Variants in SFXN4 observed in about 807,000 individuals in gnomAD.
The protein encoded by SFXN4 is sideroflexin 4.
SFXN4 carries 48 observed loss-of-function variants against 54.6 expected under a neutral mutation model. The ratio of observed to expected loss-of-function variants is 0.88; its 90% CI spans 0.70 to 1.12. The LOEUF (loss-of-function observed/expected upper bound fraction) is 1.12. SFXN4 is among the 50% of genes most tolerant of loss of function. The probability of loss-of-function intolerance (pLI) is 0.00; values close to 1 mark genes in which losing one functional copy is unlikely to be tolerated. For synonymous variants in SFXN4, 130 were observed against 145.5 expected, an observed-to-expected ratio of 0.89 and a Z score of 0.77; for missense variants, 383 against 409.2, an observed-to-expected ratio of 0.94 and a Z score of 0.55.
At chr10:119,164,040 CAAAAAAAAAA>C (rs368539311) in intron 2 of SFXN4, 81 bp downstream of exon 2, 10 of 309,804 alleles carry the variant, frequency 3.2e-5, no homozygotes, top group African/African-American at 2.4e-4. Context: ...AACTCCGTCT[CAAAAAAAAAA>C]AAAAAAAAAA....
intron 5 of SFXN4, 114 bp from the exon 6 acceptor site, chr10:119,159,867 C>T: frequency 1.8e-6 from 2 of 1,095,410 alleles, no homozygotes; most frequent in Non-Finnish European, 2.8e-6. Flanking sequence ...AGGCACAGAC[C>T]TCAAAGGACT....
At chr10:119,154,597 C>G in intron 11 of SFXN4, among the ~76,000 whole-genome samples, 1 of 152,044 alleles carries the variant, frequency 6.6e-6, no homozygotes, top group South Asian at 2.1e-4. Flanking sequence ...TTTGGGAGAC[C>G]GAGGTGGGTG....
intron 9 of SFXN4, 151 bp downstream of exon 9, chr10:119,157,517 A>G: frequency 1.6e-6 from 1 of 616,894 alleles, no homozygotes; most frequent in South Asian, 2.3e-5. Flanking sequence ...TAACATGATT[A>G]TTTTGGGATA....
At chr10:119,146,036 G>T (rs1369034354) in intron 13 of SFXN4, among the ~76,000 whole-genome samples, 200 bp downstream of exon 13, 1 of 152,032 alleles carries the variant, frequency 6.6e-6, no homozygotes, top group African/African-American at 2.4e-5. Flanking sequence ...ATGTTGCCTA[G>T]GCAGGTCTTG....
At chr10:119,150,978 G>A (rs1377215840) in intron 11 of SFXN4, among the ~76,000 whole-genome samples, 3 of 152,082 alleles carry the variant, frequency 2.0e-5, no homozygotes, top group Non-Finnish European at 2.9e-5. Flanking sequence ...GGTACAAGAC[G>A]GATGAATCTC....
At chr10:119,144,012 T>C (rs1004066544) in intron 13 of SFXN4, among the ~76,000 whole-genome samples, 8 of 152,156 alleles carry the variant, frequency 5.3e-5, no homozygotes, top group Admixed American at 2.6e-4. Context: ...ACTTCTACGT[T>C]GTGCTGGCAA....
Position 119,157,984 on chromosome 10 carries a change from A to G in SFXN4, c.414+25T>C, listed in dbSNP as rs954695292. ...GTTTCAAGCATAACAGAATTTAGTA[A>G]TCGTGAAACAGGAAGAATGGCTACC... On this transcript the variant is annotated intron_variant, in intron 7 of 13. Transcript: ENST00000355697. 3.1e-6 allele frequency: 5 copies of G among 1,614,024 alleles called. No homozygotes were observed. In the African/African-American group the frequency reaches 4.0e-5, roughly 13 times the overall value.
chr10:119,162,955 C>T (rs1281262656), intron 2 of SFXN4, among the ~76,000 whole-genome samples: 1 of 152,062 alleles, frequency 6.6e-6, no homozygotes, highest in Admixed American at 6.6e-5. Context: ...CCCACTACAC[C>T]TGGCTAACTT....
chr10:119,164,691 T>G (rs1239462122), intron 1 of SFXN4, among the ~76,000 whole-genome samples: 1 of 152,124 alleles, frequency 6.6e-6, no homozygotes, highest in Non-Finnish European at 1.5e-5. Flanking sequence ...CAGCAAACTC[T>G]AAACTTTGTA....
At position 119,140,915 on chromosome 10, in the gene SFXN4, C is replaced by A; in HGVS notation, c.*327G>T. ...TCCTGGGCACGGTGGACTCTGTGTT[C>A]TTTCTTCAAATCCTCAACTTGAGAC... is the stretch of plus-strand genomic sequence containing the variant. On this transcript the variant is annotated 3_prime_UTR_variant, in exon 14 of 14. Transcript: ENST00000355697. The A allele has an allele frequency of 4.5e-6, 1 of 223,836 alleles. No individual in the cohort carries two copies. The highest frequency in any genetic ancestry group is 9.8e-5 in the South Asian group (1 of 10,210). The allele number at this position is 223,836 out of a possible 1,614,324, so 13.9% of individuals were successfully genotyped here.
chr10:119,164,261 C>G, intron 1 of SFXN4, 65 bp from the exon 2 acceptor site: 1 of 846,720 alleles, frequency 1.2e-6, no homozygotes, highest in Non-Finnish European at 1.8e-6. Flanking sequence ...TAAATACTAA[C>G]AGTTGGCTTT....
At chr10:119,161,437 C>CAAAAAAAAAAAAAAAAAAAA (rs1554888747) in intron 3 of SFXN4, among the ~76,000 whole-genome samples, 1 of 119,840 alleles carries the variant, frequency 8.3e-6, no homozygotes. Flanking sequence ...CAAAAAAAAA[C>CAAAAAAAAAAAAAAAAAAAA]AAAAAAAAAA....
intron 1 of SFXN4, 152 bp downstream of exon 1, chr10:119,165,385 C>G: frequency 7.5e-7 from 1 of 1,331,842 alleles, no homozygotes; most frequent in Non-Finnish European, 9.6e-7. Context: ...GGGTGAAGGC[C>G]GGTGGTGCGC....
At chr10:119,160,090 G>A (rs994106094) in intron 5 of SFXN4, among the ~76,000 whole-genome samples, 1 of 151,616 alleles carries the variant, frequency 6.6e-6, no homozygotes, top group Non-Finnish European at 1.5e-5. Flanking sequence ...GAGGTAGAAG[G>A]ATCAGCTGAG....
chr10:119,164,337 A>T, intron 1 of SFXN4, 141 bp from the exon 2 acceptor site: 1 of 569,946 alleles, frequency 1.8e-6, no homozygotes, highest in Non-Finnish European at 3.1e-6. Flanking sequence ...ATCTCCTGGG[A>T]TCCTCCCAAC....
In SFXN4 at chr10:119,159,723, C is replaced by T. The variant is rs1483019509; in HGVS notation, c.360+5G>A. 1.2e-5 allele frequency: 20 copies of T among 1,613,890 alleles called. No individual in the cohort carries two copies. Among genetic ancestry groups the T allele is most frequent in the Non-Finnish European group, 1.7e-5 (20 of 1,179,948 alleles). The stretch of plus-strand genomic sequence containing the variant: ...TCTCCTAACGGCAAATGTCTGCTTG[C>T]TCACCGTGGGTGCCATGAAAGGCAG... On this transcript the variant is annotated splice_donor_5th_base_variant and intron_variant, in intron 6 of 13. Transcript: ENST00000355697.
At chr10:119,161,016 T>C (rs1332725447) in intron 4 of SFXN4, 39 bp downstream of exon 4, 2 of 1,614,158 alleles carry the variant, frequency 1.2e-6, no homozygotes, top group Non-Finnish European at 1.7e-6. Flanking sequence ...GGTTTTGTTA[T>C]TATAGGACAC....
At chr10:119,159,630 CAG>C in intron 6 of SFXN4, 96 bp downstream of exon 6, 1 of 1,280,872 alleles carries the variant, frequency 7.8e-7, no homozygotes, top group Non-Finnish European at 1.1e-6. Context: ...AGTCATGTGA[CAG>C]GGGTCCGGAG....
At chr10:119,144,412 G>T (rs1846693834) in intron 13 of SFXN4, among the ~76,000 whole-genome samples, 1 of 151,988 alleles carries the variant, frequency 6.6e-6, no homozygotes, top group Non-Finnish European at 1.5e-5. Context: ...AGCCGAGATT[G>T]CGCCACTGCA....
Sources: allele counts gnomAD v4.1 joint callset (sites outside exome capture counted in the v4.1 genomes callset), GRCh38; gene constraint gnomAD v4.1.1; transcripts MANE v1.5; gene names NCBI Gene and HGNC (gene_info 2026-07-23, HGNC 2026-07-21).